The following ARHGAP22 variants were observed in gnomAD, a reference collection of about 807,000 sequenced individuals.
ARHGAP22 encodes rho GTPase-activating protein 22.
A neutral mutation model predicts 59.1 loss-of-function variants in ARHGAP22; 48 were observed. The observed-to-expected ratio is 0.81, with a 90% CI of 0.64 to 1.03. The LOEUF is 1.03. Ranked by LOEUF, ARHGAP22 falls within the 50% of genes least tolerant of loss-of-function variation. The pLI is 0.00. For missense variants in ARHGAP22, 1,015 were observed against 958.7 expected (o/e 1.06, Z -0.78); for synonymous variants, 445 against 416.4 (o/e 1.07, Z -0.84).
chr10:48,455,788 C>T (rs986996857), intron 5 of ARHGAP22, among the ~76,000 whole-genome samples: 1 of 152,244 alleles, frequency 6.6e-6, no homozygotes, highest in African/African-American at 2.4e-5. Context: ...AAGGCGCCCA[C>T]AATGCAGGGC....
At chr10:48,632,632 G>A (rs901400916) in intron 1 of ARHGAP22, among the ~76,000 whole-genome samples, 7 of 152,070 alleles carry the variant, frequency 4.6e-5, no homozygotes, top group African/African-American at 1.2e-4. Flanking sequence ...TTAGGTCTGT[G>A]GTTTGTTTTC....
At chr10:48,539,291 A>ATTTT (rs56801787) in intron 3 of ARHGAP22, among the ~76,000 whole-genome samples, 3,019 of 136,200 alleles carry the variant, frequency 0.022, 159 homozygotes, top group African/African-American at 0.082. Context: ...GAAGGGTAAC[A>ATTTT]TTTTTTTTTT....
At chr10:48,560,571 C>G (rs2057621987) in intron 2 of ARHGAP22, among the ~76,000 whole-genome samples, 1 of 152,094 alleles carries the variant, frequency 6.6e-6, no homozygotes, top group Admixed American at 6.5e-5. Flanking sequence ...ATATCATTAT[C>G]TTTATCCTGA....
the ARHGAP22 span, chr10:48,431,321 T>A: frequency 8.2e-7 from 1 of 1,220,828 alleles, no homozygotes; most frequent in Non-Finnish European, 1.2e-6. Context: ...TCTTGTGTTG[T>A]AATCTTCAGT....
chr10:48,583,175 G>T, intron 1 of ARHGAP22, 23 bp from the exon 2 acceptor site: 1 of 1,606,890 alleles, frequency 6.2e-7, no homozygotes, highest in Non-Finnish European at 8.5e-7. Context: ...GACACACAGA[G>T]TGAGCATGAA....
At chr10:48,586,236 A>T (rs576462613) in intron 1 of ARHGAP22, among the ~76,000 whole-genome samples, 2 of 152,264 alleles carry the variant, frequency 1.3e-5, no homozygotes, top group South Asian at 4.1e-4. Context: ...CAACTGAAGA[A>T]ATACAGGCTT....
At chr10:48,627,723 TATGA>T in intron 1 of ARHGAP22, among the ~76,000 whole-genome samples, 1 of 152,344 alleles carries the variant, frequency 6.6e-6, no homozygotes, top group South Asian at 2.1e-4. Context: ...CCAAGGGCTT[TATGA>T]AAGATCCCAA....
chr10:48,519,403 C>G (rs1048290746), intron 3 of ARHGAP22, among the ~76,000 whole-genome samples: 1 of 152,238 alleles, frequency 6.6e-6, no homozygotes, highest in African/African-American at 2.4e-5. Context: ...TCTGCAGGAA[C>G]CCATGCCCAG....
At chr10:48,524,616 C>T (rs1019707315) in intron 3 of ARHGAP22, among the ~76,000 whole-genome samples, 2 of 152,280 alleles carry the variant, frequency 1.3e-5, no homozygotes, top group Admixed American at 1.3e-4. Context: ...CCAGCATCCT[C>T]TGGGCAGTCA....
chr10:48,489,116 G>A (rs1003817402), intron 3 of ARHGAP22, among the ~76,000 whole-genome samples: 1 of 150,218 alleles, frequency 6.7e-6, no homozygotes, highest in African/African-American at 2.5e-5. Context: ...TCTTTTTTTT[G>A]GCTGTTTCAG....
intron 3 of ARHGAP22, among the ~76,000 whole-genome samples, chr10:48,511,152 T>A (rs964142703): frequency 3.3e-5 from 5 of 152,196 alleles, no homozygotes; most frequent in Admixed American, 2.6e-4. Context: ...AAGGTGCTGG[T>A]GTCTACAAAG....
chr10:48,443,053 T>C (rs1026079205), downstream of ARHGAP22, among the ~76,000 whole-genome samples: 1 of 152,138 alleles, frequency 6.6e-6, no homozygotes, highest in East Asian at 1.9e-4. Context: ...AGAAGCTTTA[T>C]GGGAATAAAA....
intron 2 of ARHGAP22, among the ~76,000 whole-genome samples, chr10:48,566,568 A>G (rs2058057118): frequency 1.3e-5 from 2 of 152,210 alleles, no homozygotes; most frequent in South Asian, 4.1e-4. Context: ...CTTTCTCTTG[A>G]AGCTTCTTCC....
intron 3 of ARHGAP22, among the ~76,000 whole-genome samples, chr10:48,537,837 G>A (rs1298913378): frequency 6.6e-6 from 1 of 152,206 alleles, no homozygotes; most frequent in Non-Finnish European, 1.5e-5. Context: ...GGATGGAGGT[G>A]CTAGGCAGAG....
At chr10:48,496,065 C>T (rs2050895154) in intron 3 of ARHGAP22, among the ~76,000 whole-genome samples, 1 of 152,192 alleles carries the variant, frequency 6.6e-6, no homozygotes, top group Non-Finnish European at 1.5e-5. Flanking sequence ...CCCCAAGCTA[C>T]AGGATGCAGC....
intron 4 of ARHGAP22, among the ~76,000 whole-genome samples, chr10:48,465,861 A>C (rs1029032225): frequency 1.3e-5 from 2 of 152,128 alleles, no homozygotes; most frequent in Non-Finnish European, 2.9e-5. Context: ...CCTGTACCCC[A>C]AAACTCACCA....
intron 3 of ARHGAP22, among the ~76,000 whole-genome samples, chr10:48,538,958 G>A (rs4582923): frequency 6.6e-6 from 1 of 152,186 alleles, no homozygotes; most frequent in African/African-American, 2.4e-5. Flanking sequence ...CAACAAAAAA[G>A]AAGGGAGGTT....
At chr10:48,501,213 G>T (rs1487210673) in intron 3 of ARHGAP22, among the ~76,000 whole-genome samples, 1 of 152,252 alleles carries the variant, frequency 6.6e-6, no homozygotes, top group Non-Finnish European at 1.5e-5. Flanking sequence ...CAGAGAAAGA[G>T]AACAGTGGCT....
At chr10:48,628,586 C>T (rs1238740248) in intron 1 of ARHGAP22, among the ~76,000 whole-genome samples, 1 of 152,170 alleles carries the variant, frequency 6.6e-6, no homozygotes, top group Non-Finnish European at 1.5e-5. Flanking sequence ...CCAAACCACT[C>T]CATAGGTCCA....
Sources: gnomAD v4.1 joint callset for allele counts (sites outside exome capture counted in the v4.1 genomes callset) on GRCh38, gnomAD v4.1.1 for gene constraint, MANE v1.5 for transcripts, NCBI Gene and HGNC (gene_info 2026-07-23, HGNC 2026-07-21) for gene names.